SHANK2: variants seen among roughly 807,000 people sequenced by gnomAD.
The protein encoded by SHANK2 is SH3 and multiple ankyrin repeat domains protein 2.
A neutral mutation model predicts 133.7 loss-of-function variants in SHANK2; 43 were observed. The ratio of observed to expected loss-of-function variants is 0.32; its 90% confidence interval spans 0.25 to 0.41. The LOEUF (loss-of-function observed/expected upper bound fraction) is 0.41. SHANK2 is among the 10% of genes least tolerant of loss of function. The pLI, the probability that SHANK2 is intolerant of heterozygous loss-of-function variation, is 1.00. For missense variants in SHANK2, 1,994 were observed against 2,235.8 expected (o/e 0.89, Z 2.18); for synonymous variants, 1,017 against 952.8 (o/e 1.07, Z -1.24).
At chr11:70,841,202 C>A (rs1360008039) in intron 11 of SHANK2, among the ~76,000 whole-genome samples, 1 of 152,136 alleles carries the variant, frequency 6.6e-6, no homozygotes, top group African/African-American at 2.4e-5. Context: ...ACCTGGGAGG[C>A]AGAGGTTACA....
intron 11 of SHANK2, among the ~76,000 whole-genome samples, chr11:70,875,524 A>AAACAAC (rs71049946): frequency 0.42 from 61,687 of 146,334 alleles, 13,375 homozygotes; most frequent in South Asian, 0.58. Context: ...ACTCCGTCTC[A>AAACAAC]AACAACAACA....
chr11:71,127,134 A>G (rs1185065367), intron 3 of SHANK2, among the ~76,000 whole-genome samples: 5 of 152,230 alleles, frequency 3.3e-5, no homozygotes, highest in Admixed American at 3.3e-4. Context: ...CAGATGTGGA[A>G]ATAGCAAGAG....
At chr11:70,581,940 G>A (rs986377382) in intron 17 of SHANK2, among the ~76,000 whole-genome samples, 5 of 152,228 alleles carry the variant, frequency 3.3e-5, no homozygotes, top group Admixed American at 2.6e-4. Context: ...TTGGGCACAC[G>A]AGGGTTGGGG....
At chr11:71,138,654 T>G (rs11232230) in intron 3 of SHANK2, among the ~76,000 whole-genome samples, 14,836 of 150,824 alleles carry the variant, frequency 0.098, 1,824 homozygotes, top group African/African-American at 0.29. Flanking sequence ...CTGTCTCTAC[T>G]AAAAAGAAAA....
Position 71,148,084 on chromosome 11 carries a change from GTTTTTT to G in SHANK2, c.-12-752_-12-747del, listed in dbSNP as rs200702145. 8.7e-3 allele frequency among the ~76,000 whole-genome samples: 1,221 copies of G among 140,420 alleles called. 21 individuals carry two copies. Among genetic ancestry groups the G allele is most frequent in the African/African-American group, 0.03 (1,176 of 38,760 alleles). The allele number at this position is 140,420 out of a possible 152,430, so 92.1% of individuals were successfully genotyped here. A position where few individuals can be genotyped will look rare whatever the true frequency, so the allele number is the denominator to read the frequency against. On this transcript the variant is annotated intron_variant, in intron 2 of 25. Transcript: ENST00000601538. ...TGGCCACCTTAGACCAAGGCTTCTTGTTTTTTTTTTTTTTTTTGAGATGGAGTTTCA... is the reference window on the plus strand; with the variant it reads ...TGGCCACCTTAGACCAAGGCTTCTTGTTTTTTTTTTTGAGATGGAGTTTCA...
chr11:70,847,253 C>T (rs1429472498), intron 11 of SHANK2, among the ~76,000 whole-genome samples: 1 of 152,212 alleles, frequency 6.6e-6, no homozygotes, highest in Non-Finnish European at 1.5e-5. Context: ...CGCGGGAGGC[C>T]GTCCCTCCTG....
intron 17 of SHANK2, among the ~76,000 whole-genome samples, chr11:70,551,273 G>A (rs1554977940): frequency 1.3e-5 from 2 of 152,134 alleles, no homozygotes; most frequent in Non-Finnish European, 2.9e-5. Flanking sequence ...GAGGCCTTGA[G>A]ACGGAGGCTG....
At chr11:70,950,830 A>T (rs1950823648) in intron 10 of SHANK2, among the ~76,000 whole-genome samples, 1 of 151,418 alleles carries the variant, frequency 6.6e-6, no homozygotes, top group South Asian at 2.1e-4. Flanking sequence ...TTGTTTTGTT[A>T]TGTTTTGTTT....
Position 70,671,390 on chromosome 11 carries a change from G to A in SHANK2, c.1854-9712C>T, listed in dbSNP as rs369562212. ...CCTGGCCAAGTTCCTCAACCTCGTC[G>A]AGCGCCAGTATCCTCACTTGACGAC... is the stretch of plus-strand genomic sequence containing the variant. On this transcript the variant is annotated intron_variant, in intron 15 of 25. Coordinates refer to ENST00000601538, the MANE Select transcript of SHANK2 (RefSeq NM_012309.5). Among the ~76,000 whole-genome samples, 9 of 152,266 alleles carry A rather than the reference G, an allele frequency of 5.9e-5. No homozygotes were observed. In the South Asian group the frequency reaches 6.2e-4, roughly 11 times the overall value.
At chr11:70,841,740 C>T (rs1250291942) in intron 11 of SHANK2, among the ~76,000 whole-genome samples, 2 of 152,178 alleles carry the variant, frequency 1.3e-5, no homozygotes, top group Admixed American at 6.5e-5. Flanking sequence ...GCCAGGATGA[C>T]GTGACTGCTC....
In SHANK2 at chr11:70,765,987, T is replaced by C. The variant is rs902912231; in HGVS notation, c.1777+32456A>G. 2.0e-4 allele frequency among the ~76,000 whole-genome samples: 30 copies of C among 152,208 alleles called. 1 individual carries two copies. Among genetic ancestry groups the C allele is most frequent in the Non-Finnish European group, 4.0e-4 (27 of 68,038 alleles). ...GACAGAGGTGGCCAGCTGCCTACTC[T>C]AACATCAGTTCTCAACTTACTCATC... On this transcript the variant is annotated intron_variant, in intron 14 of 25. Coordinates refer to ENST00000601538, the MANE Select transcript of SHANK2 (RefSeq NM_012309.5).
At chr11:71,098,144 CATGCATGCCTGTGTGCAT>C (rs1555095907) in intron 6 of SHANK2, among the ~76,000 whole-genome samples, 1 of 137,714 alleles carries the variant, frequency 7.3e-6, no homozygotes, top group Non-Finnish European at 1.6e-5. Context: ...TGCCTGTGTG[CATGCATGCCTGTGTGCAT>C]GTGCATGCCT....
At chr11:70,950,838 TTTTGG>T (rs1555086413) in intron 10 of SHANK2, among the ~76,000 whole-genome samples, 1 of 152,056 alleles carries the variant, frequency 6.6e-6, no homozygotes, top group African/African-American at 2.4e-5. Context: ...TTATGTTTTG[TTTTGG>T]TTTTTTTGTA....
intron 11 of SHANK2, among the ~76,000 whole-genome samples, chr11:70,875,524 A>AAACAACAACAACAACAAC (rs71049946): frequency 4.8e-5 from 7 of 146,566 alleles, no homozygotes; most frequent in East Asian, 4.2e-4. Flanking sequence ...ACTCCGTCTC[A>AAACAACAACAACAACAAC]AACAACAACA....
intron 17 of SHANK2, among the ~76,000 whole-genome samples, chr11:70,636,847 TG>T: frequency 6.6e-6 from 1 of 152,202 alleles, no homozygotes; most frequent in Non-Finnish European, 1.5e-5. Context: ...TTTATAAGAA[TG>T]TATGTAAGCA....
intron 15 of SHANK2, among the ~76,000 whole-genome samples, chr11:70,696,604 T>G (rs1555022283): frequency 6.6e-6 from 1 of 152,196 alleles, no homozygotes; most frequent in African/African-American, 2.4e-5. Context: ...GGATCACACT[T>G]GGGCTTCAAG....
intron 2 of SHANK2, among the ~76,000 whole-genome samples, chr11:71,206,090 T>G (rs1028761616): frequency 1.3e-5 from 2 of 152,086 alleles, no homozygotes; most frequent in East Asian, 3.9e-4. Context: ...GGCTACTCCA[T>G]GAACACAAGG....
At chr11:70,778,518 A>C (rs1231772228) in intron 14 of SHANK2, among the ~76,000 whole-genome samples, 2 of 152,158 alleles carry the variant, frequency 1.3e-5, no homozygotes, top group Non-Finnish European at 2.9e-5. Flanking sequence ...ATTAAGATTA[A>C]ATGAAGGTAC....
intron 17 of SHANK2, among the ~76,000 whole-genome samples, chr11:70,544,399 T>C (rs1339966681): frequency 1.3e-5 from 2 of 152,238 alleles, no homozygotes; most frequent in Non-Finnish European, 1.5e-5. Context: ...TGTCATTGTT[T>C]AGCCTGGGGT....
Sources: gnomAD v4.1 joint callset for allele counts (sites outside exome capture counted in the v4.1 genomes callset) on GRCh38, gnomAD v4.1.1 for gene constraint, MANE v1.5 for transcripts, NCBI Gene and HGNC (gene_info 2026-07-23, HGNC 2026-07-21) for gene names.